The following SLC25A12 variants were observed in gnomAD, a reference collection of about 807,000 sequenced individuals.
SLC25A12 encodes solute carrier family 25 member 12, also known as electrogenic aspartate/glutamate antiporter SLC25A12, mitochondrial.
Under a neutral mutation model 83.3 loss-of-function variants are expected in SLC25A12, and 32 were observed. The ratio of observed to expected loss-of-function variants is 0.38; its 90% confidence interval spans 0.29 to 0.52. The LOEUF (loss-of-function observed/expected upper bound fraction) is 0.52. SLC25A12 is among the 20% of genes least tolerant of loss of function. SLC25A12 has a pLI of 0.84. For missense variants in SLC25A12, 611 were observed against 835.6 expected (o/e 0.73, Z 3.31); for synonymous variants, 267 against 291.1 (o/e 0.92, Z 0.84).
At chr2:171,882,045 T>C (rs1685705802) in intron 2 of SLC25A12, among the ~76,000 whole-genome samples, 1 of 152,250 alleles carries the variant, frequency 6.6e-6, no homozygotes, top group Non-Finnish European at 1.5e-5. Context: ...TGGAATGTTC[T>C]AGAAAGCTAC....
Position 171,784,513 on chromosome 2 carries a change from T to G in SLC25A12, c.*761A>C, listed in dbSNP as rs1238973056. On this transcript the variant is annotated 3_prime_UTR_variant, in exon 18 of 18. Transcript: ENST00000422440. ...AAAACTAAGCCAGTAATGATGGAGA[T>G]GTCCCTGTTTCCATATGCACACTGA... 6.6e-6 allele frequency: 1 copy of G among 152,290 alleles called. No homozygotes were observed. The highest frequency in any genetic ancestry group is 1.5e-5 in the Non-Finnish European group (1 of 68,076). The allele number at this position is 152,290 out of a possible 1,614,324, so 9.4% of individuals were successfully genotyped here.
At chr2:171,870,721 A>G (rs1368633094) in intron 2 of SLC25A12, among the ~76,000 whole-genome samples, 1 of 152,236 alleles carries the variant, frequency 6.6e-6, no homozygotes, top group African/African-American at 2.4e-5. Flanking sequence ...AAAAATGTCT[A>G]GAAATATCAA....
chr2:171,792,221 C>T (rs1683491782), intron 14 of SLC25A12, among the ~76,000 whole-genome samples: 1 of 152,006 alleles, frequency 6.6e-6, no homozygotes, highest in Non-Finnish European at 1.5e-5. Context: ...CACACCATTC[C>T]ACTACCTAGC....
intron 3 of SLC25A12, among the ~76,000 whole-genome samples, chr2:171,865,835 A>G (rs1186868981): frequency 1.3e-5 from 2 of 151,882 alleles, no homozygotes; most frequent in African/African-American, 2.4e-5. Flanking sequence ...AGCTTCAATT[A>G]TTTTTCCAAA....
rs1386842232 is a variant in SLC25A12 at position 171,810,211 on chromosome 2, G to C, written c.1224+13C>G. On this transcript the variant is annotated intron_variant, in intron 12 of 17. Coordinates refer to ENST00000422440, the MANE Select transcript of SLC25A12 (RefSeq NM_003705.5). ...TAAACAAATGACATAAATTCAGTTA[G>C]AGATAAACTTACAGTCAGTTTAATG... 2 of 1,607,426 alleles carry C rather than the reference G, an allele frequency of 1.2e-6. No individual in the cohort carries two copies. Among genetic ancestry groups the C allele is most frequent in the Admixed American group, 1.7e-5 (1 of 59,996 alleles).
At chr2:171,857,804 T>C (rs1048140382) in intron 3 of SLC25A12, among the ~76,000 whole-genome samples, 4 of 151,276 alleles carry the variant, frequency 2.6e-5, no homozygotes, top group Non-Finnish European at 4.4e-5. Flanking sequence ...GGCATGAGGA[T>C]CACTTGAGCC....
intron 11 of SLC25A12, 69 bp from the exon 12 acceptor site, chr2:171,810,345 A>C: frequency 8.1e-7 from 1 of 1,232,828 alleles, no homozygotes; most frequent in South Asian, 1.2e-5. Flanking sequence ...CCAGCAACAA[A>C]GAGTTTCCCC....
At chr2:171,817,623 A>AAAAAAAAG (rs1684081952) in intron 9 of SLC25A12, among the ~76,000 whole-genome samples, 1 of 149,830 alleles carries the variant, frequency 6.7e-6, no homozygotes, top group African/African-American at 2.4e-5. Flanking sequence ...AAAAAAAAAA[A>AAAAAAAAG]TGTATGTAGA....
At chr2:171,801,837 C>G (rs1039396704) in intron 13 of SLC25A12, among the ~76,000 whole-genome samples, 1 of 151,444 alleles carries the variant, frequency 6.6e-6, no homozygotes, top group Non-Finnish European at 1.5e-5. Context: ...GCACTGTTGA[C>G]CTAAAAATTT....
chr2:171,860,177 G>A (rs4668415), intron 3 of SLC25A12, among the ~76,000 whole-genome samples: 117,142 of 152,090 alleles, frequency 0.77, 46,173 homozygotes, highest in East Asian at 0.89. Flanking sequence ...ATTTTAACAC[G>A]ATAAAAAAAG....
chr2:171,892,609 CTTTT>C (rs550946932), intron 2 of SLC25A12, among the ~76,000 whole-genome samples: 2 of 149,610 alleles, frequency 1.3e-5, no homozygotes, highest in Non-Finnish European at 3.0e-5. Context: ...CTAAGCCAAC[CTTTT>C]TTTTTTCTTT....
intron 2 of SLC25A12, among the ~76,000 whole-genome samples, chr2:171,873,525 A>T (rs1309952243): frequency 6.6e-6 from 1 of 152,222 alleles, no homozygotes; most frequent in East Asian, 1.9e-4. Context: ...AAAAGAAGAC[A>T]GTGGGTACTT....
intron 13 of SLC25A12, among the ~76,000 whole-genome samples, chr2:171,804,134 G>A (rs1683772451): frequency 6.6e-6 from 1 of 152,068 alleles, no homozygotes. Context: ...CATATATTCA[G>A]CAATAAAAAT....
intron 5 of SLC25A12, among the ~76,000 whole-genome samples, chr2:171,839,065 T>C (rs1684617708): frequency 6.6e-6 from 1 of 152,192 alleles, no homozygotes; most frequent in Non-Finnish European, 1.5e-5. Context: ...GTACAATAGA[T>C]ATTGTAAAAT....
intron 8 of SLC25A12, among the ~76,000 whole-genome samples, chr2:171,833,659 C>T (rs1355642970): frequency 6.6e-6 from 1 of 152,086 alleles, no homozygotes. Flanking sequence ...TGCATCTCAA[C>T]CCCTTATTCC....
In SLC25A12 at chr2:171,890,477, C is replaced by CTGTGTGTGTGTGTGTGTG. The variant is rs34728188; in HGVS notation, c.66+2710_66+2727dup. ...ACTAGCAATACTGTATCGTGTGTGTCTGTGTGTGTGTGTGTGTGTGTGTGT... is the reference window on the plus strand; with the variant it reads ...ACTAGCAATACTGTATCGTGTGTGTCTGTGTGTGTGTGTGTGTGTGTGTGTGTGTGTGTGTGTGTGTGT... On this transcript the variant is annotated intron_variant, in intron 2 of 17. Transcript: ENST00000422440. 1.6e-3 allele frequency among the ~76,000 whole-genome samples: 241 copies of CTGTGTGTGTGTGTGTGTG among 149,308 alleles called. No homozygotes were observed. The East Asian group carries it at 0.016, about 10-fold the overall frequency.
chr2:171,791,202 A>T (rs1298148606), intron 15 of SLC25A12, among the ~76,000 whole-genome samples: 1 of 152,208 alleles, frequency 6.6e-6, no homozygotes, highest in Admixed American at 6.5e-5. Flanking sequence ...ATGAAAGCCC[A>T]ATTTAGATGG....
chr2:171,815,987 A>G (rs1394756693), intron 9 of SLC25A12, among the ~76,000 whole-genome samples: 1 of 151,930 alleles, frequency 6.6e-6, no homozygotes, highest in Non-Finnish European at 1.5e-5. Flanking sequence ...TATATACAAA[A>G]ATAGAAATTA....
chr2:171,841,380 T>G (rs759221872), intron 5 of SLC25A12, among the ~76,000 whole-genome samples: 3 of 151,396 alleles, frequency 2.0e-5, no homozygotes, highest in Non-Finnish European at 4.4e-5. Flanking sequence ...ACACCCAGAC[T>G]GTTTGTTTTT....
Sources: allele counts gnomAD v4.1 joint callset (sites outside exome capture counted in the v4.1 genomes callset), GRCh38; gene constraint gnomAD v4.1.1; transcripts MANE v1.5; gene names NCBI Gene and HGNC (gene_info 2026-07-23, HGNC 2026-07-21).